The following GDAP1 variants were observed in gnomAD, a reference collection of about 807,000 sequenced individuals.
GDAP1 encodes ganglioside induced differentiation associated protein 1, also known as ganglioside-induced differentiation-associated protein 1.
A neutral mutation model predicts 40.1 loss-of-function variants in GDAP1; 34 were observed. That is an observed-to-expected ratio of 0.85 (90% CI 0.64 to 1.13). The LOEUF is 1.13. GDAP1 is among the 50% of genes most tolerant of loss of function. The probability of loss-of-function intolerance (pLI) is 0.00; values close to 1 mark genes in which losing one functional copy is unlikely to be tolerated. For missense variants in GDAP1, 374 were observed against 433.7 expected (o/e 0.86, Z 1.22); for synonymous variants, 170 against 157.4 (o/e 1.08, Z -0.60).
intron 2 of GDAP1, among the ~76,000 whole-genome samples, chr8:74,405,140 G>A (rs1456462457): frequency 6.7e-6 from 1 of 150,050 alleles, no homozygotes; most frequent in Admixed American, 6.6e-5. Flanking sequence ...GAAAGGAAGA[G>A]CAAAAGGACG....
rs1809658201 is a variant in GDAP1 at position 74,366,785 on chromosome 8, T to G, written c.*2418T>G. ...GCTGTTGACACCAGCGTTGTAGATT[T>G]TTGGTGTTGTTGAATGCAGTAGAGA... On this transcript the variant is annotated 3_prime_UTR_variant, in exon 6 of 6. Coordinates refer to ENST00000220822, the MANE Select transcript of GDAP1 (RefSeq NM_018972.4). The G allele has an allele frequency of 2.2e-6, 1 of 453,934 alleles. No homozygotes were observed. Among genetic ancestry groups the G allele is most frequent in the Non-Finnish European group, 4.4e-6 (1 of 226,692 alleles). 28.1% of individuals were successfully genotyped at this position (453,934 alleles called of 1,614,324 possible). A position where few individuals can be genotyped will look rare whatever the true frequency, so the allele number is the denominator to read the frequency against.
chr8:74,410,430 A>G (rs1263077631), intron 2 of GDAP1, among the ~76,000 whole-genome samples: 1 of 150,262 alleles, frequency 6.7e-6, no homozygotes, highest in Non-Finnish European at 1.5e-5. Flanking sequence ...ATGAAATATT[A>G]GACAAGACAT....
Position 74,364,722 on chromosome 8 carries a change from C to T in GDAP1, c.*355C>T, listed in dbSNP as rs1809540350. On this transcript the variant is annotated 3_prime_UTR_variant, in exon 6 of 6. Transcript: ENST00000220822. ...ACATTTAGTTACTTGTGGCTACTGC[C>T]CACACATACACTTCTGTAATTGAGA... is the stretch of plus-strand genomic sequence containing the variant. 1 of 470,344 alleles carries T rather than the reference C, an allele frequency of 2.1e-6. No individual in the cohort carries two copies. Among genetic ancestry groups the T allele is most frequent in the Non-Finnish European group, 4.2e-6 (1 of 237,972 alleles). The allele number at this position is 470,344 out of a possible 1,614,324, so 29.1% of individuals were successfully genotyped here.
chr8:74,466,868 C>T (rs899382228), intron 2 of GDAP1, among the ~76,000 whole-genome samples: 1 of 152,032 alleles, frequency 6.6e-6, no homozygotes, highest in African/African-American at 2.4e-5. Context: ...AGGAGATATT[C>T]AAGACAAATG....
At chr8:74,483,357 CTA>C (rs1806737026) in intron 2 of GDAP1, among the ~76,000 whole-genome samples, 1 of 152,030 alleles carries the variant, frequency 6.6e-6, no homozygotes. Context: ...TTTACACAGA[CTA>C]TTAGGTTGGT....
chr8:74,353,085 CT>C (rs1395596673), intron 2 of GDAP1, among the ~76,000 whole-genome samples: 1 of 152,100 alleles, frequency 6.6e-6, no homozygotes, highest in Non-Finnish European at 1.5e-5. Flanking sequence ...TTTCCTTAGT[CT>C]TTCTCTTTTG....
At chr8:74,428,889 G>A (rs1181824760) in intron 2 of GDAP1, among the ~76,000 whole-genome samples, 4 of 61,722 alleles carry the variant, frequency 6.5e-5, no homozygotes, top group Non-Finnish European at 2.9e-5. Context: ...AACAGGCCCC[G>A]GTGTGTGATG....
chr8:74,481,201 C>T (rs1172228732), intron 2 of GDAP1, among the ~76,000 whole-genome samples: 1 of 152,230 alleles, frequency 6.6e-6, no homozygotes, highest in Non-Finnish European at 1.5e-5. Flanking sequence ...CTGTCACAGA[C>T]TAGCTGCCTT....
intron 2 of GDAP1, among the ~76,000 whole-genome samples, chr8:74,469,847 G>A (rs1182704368): frequency 2.0e-5 from 3 of 151,740 alleles, no homozygotes; most frequent in Non-Finnish European, 4.4e-5. Flanking sequence ...GCTGGTGCAT[G>A]CCTGTAATCC....
At chr8:74,397,172 T>A (rs1810214926) in intron 2 of GDAP1, among the ~76,000 whole-genome samples, 1 of 151,498 alleles carries the variant, frequency 6.6e-6, no homozygotes, top group Admixed American at 6.6e-5. Flanking sequence ...AAGTGTCTGT[T>A]CATGTCCTTT....
At chr8:74,397,066 T>C (rs946364122) in intron 2 of GDAP1, among the ~76,000 whole-genome samples, 39 of 152,322 alleles carry the variant, frequency 2.6e-4, no homozygotes, top group Admixed American at 3.9e-4. Context: ...TGTGAGATGG[T>C]ATCTCATTGT....
intron 2 of GDAP1, among the ~76,000 whole-genome samples, chr8:74,378,345 A>T (rs942754454): frequency 1.3e-5 from 2 of 152,186 alleles, no homozygotes; most frequent in South Asian, 2.1e-4. Context: ...GCCAGAGTCC[A>T]TGCAACTCCT....
In GDAP1 at chr8:74,360,184, C is replaced by T. The variant is rs104894078; in HGVS notation, c.358C>T (p.Arg120Trp). 5.0e-6 allele frequency: 8 copies of T among 1,612,166 alleles called. No individual in the cohort carries two copies. The highest frequency in any genetic ancestry group is 3.4e-6 in the Non-Finnish European group (4 of 1,178,330). The change falls in exon 3 of 6, where the codon CGG becomes TGG. Residue 120 changes from arginine to tryptophan, a missense_variant. Arg to Trp is a moderately radical substitution (Grantham distance 101). Coordinates refer to ENST00000220822, the MANE Select transcript of GDAP1 (RefSeq NM_018972.4). ...TGATAAAGAAAGCATGTATTACCCA[C>T]GGGTACAACATTACCGAGAGCTGCT... is the stretch of plus-strand genomic sequence containing the variant. Reference protein sequence around the residue: ...MPDKESMYYPRVQHYRELLDS... With the variant: ...MPDKESMYYPWVQHYRELLDS...
At position 74,416,542 on chromosome 8, in the gene GDAP1, A is replaced by G. The variant is rs1258648506; in HGVS notation, c.165+65221A>G. On this transcript the variant is annotated intron_variant, in intron 2 of 2. Transcript: ENST00000523640. The stretch of plus-strand genomic sequence containing the variant: ...CTGTCCACATGACTAGTTCGTTACT[A>G]CTACAACTGGCATTTCAGAAAGCCA... Among the ~76,000 whole-genome samples the G allele has an allele frequency of 3.3e-5, 5 of 150,194 alleles. 2 individuals are homozygous for G. Among genetic ancestry groups the G allele is most frequent in the African/African-American group, 1.3e-4 (5 of 39,488 alleles).
chr8:74,433,189 C>T (rs191469882), intron 2 of GDAP1, among the ~76,000 whole-genome samples: 6 of 152,186 alleles, frequency 3.9e-5, no homozygotes, highest in South Asian at 2.1e-4. Context: ...CTAAATTAGC[C>T]CTTACCTCCC....
chr8:74,417,449 A>G (rs1376570865), intron 2 of GDAP1, among the ~76,000 whole-genome samples: 2 of 150,224 alleles, frequency 1.3e-5, no homozygotes, highest in Admixed American at 1.3e-4. Flanking sequence ...AAAGTGTCCC[A>G]ATTCATAGAT....
chr8:74,441,552 A>G (rs1806162598), intron 2 of GDAP1, among the ~76,000 whole-genome samples: 1 of 152,150 alleles, frequency 6.6e-6, no homozygotes, highest in Admixed American at 6.5e-5. Context: ...GAAAAGATTA[A>G]TGAGATAGGG....
chr8:74,433,808 T>A (rs1189114418), intron 2 of GDAP1, among the ~76,000 whole-genome samples: 1 of 152,118 alleles, frequency 6.6e-6, no homozygotes, highest in Non-Finnish European at 1.5e-5. Flanking sequence ...ATGGTAAAGG[T>A]CAGCCACACA....
chr8:74,362,521 C>T (rs1049268873), intron 4 of GDAP1, among the ~76,000 whole-genome samples: 2 of 152,202 alleles, frequency 1.3e-5, no homozygotes, highest in Non-Finnish European at 2.9e-5. Context: ...CCTGCACTCA[C>T]AGTCACTTGA....
Sources: gnomAD v4.1 joint callset for allele counts (sites outside exome capture counted in the v4.1 genomes callset) on GRCh38, gnomAD v4.1.1 for gene constraint, MANE v1.5 for transcripts, NCBI Gene and HGNC (gene_info 2026-07-23, HGNC 2026-07-21) for gene names.